The following KCNMB2 variants were observed in gnomAD, a reference collection of about 807,000 sequenced individuals.
KCNMB2 encodes potassium calcium-activated channel subfamily M regulatory beta subunit 2, also known as calcium-activated potassium channel subunit beta-2.
Under a neutral mutation model 24.5 loss-of-function variants are expected in KCNMB2, and 9 were observed. The observed-to-expected ratio is 0.37, with a 90% CI of 0.22 to 0.64. The LOEUF (loss-of-function observed/expected upper bound fraction) is 0.64. Ranked by LOEUF, KCNMB2 falls within the 30% of genes least tolerant of loss-of-function variation. The pLI is 0.63. For missense variants in KCNMB2, 226 were observed against 284.3 expected, an observed-to-expected ratio of 0.79 and a Z score of 1.47; for synonymous variants, 109 against 104.4, an observed-to-expected ratio of 1.04 and a Z score of -0.27.
intron 1 of KCNMB2, among the ~76,000 whole-genome samples, chr3:178,743,101 G>C (rs1279868272): frequency 6.6e-6 from 1 of 152,122 alleles, no homozygotes; most frequent in Non-Finnish European, 1.5e-5. Flanking sequence ...AAGACAGTGT[G>C]GCCTCCATAG....
At chr3:178,836,744 T>C (rs1715243810) in intron 4 of KCNMB2, among the ~76,000 whole-genome samples, 2 of 152,090 alleles carry the variant, frequency 1.3e-5, no homozygotes, top group South Asian at 2.1e-4. Flanking sequence ...TCATATATTC[T>C]TTCTGTTAAA....
chr3:178,697,342 C>A (rs1256564894), intron 1 of KCNMB2, among the ~76,000 whole-genome samples: 1 of 152,192 alleles, frequency 6.6e-6, no homozygotes, highest in African/African-American at 2.4e-5. Context: ...GAATTGAACC[C>A]TTTACCATTA....
At chr3:178,543,199 C>T (rs1266669892) in intron 1 of KCNMB2, among the ~76,000 whole-genome samples, 1 of 152,162 alleles carries the variant, frequency 6.6e-6, no homozygotes, top group Admixed American at 6.6e-5. Flanking sequence ...ACCAATTTTC[C>T]TGAAATGTAT....
intron 1 of KCNMB2, among the ~76,000 whole-genome samples, chr3:178,632,515 C>T (rs149045951): frequency 4.5e-4 from 68 of 152,260 alleles, no homozygotes; most frequent in African/African-American, 1.6e-3. Context: ...GGAAATGCCA[C>T]TTATAAAGCC....
At chr3:178,759,246 T>C (rs1277496177) in intron 1 of KCNMB2, among the ~76,000 whole-genome samples, 3 of 122,018 alleles carry the variant, frequency 2.5e-5, no homozygotes, top group Non-Finnish European at 5.1e-5. Flanking sequence ...TAGATATATA[T>C]ATATCTCTCC....
chr3:178,758,046 ATATATATATATATCTC>A (rs1577157292), intron 1 of KCNMB2, among the ~76,000 whole-genome samples: 1 of 51,146 alleles, frequency 2.0e-5, no homozygotes, highest in Non-Finnish European at 3.5e-5. Flanking sequence ...ATATATCTAG[ATATATATATATATCTC>A]CAAGAGGATA....
intron 1 of KCNMB2, among the ~76,000 whole-genome samples, chr3:178,561,276 G>A (rs1716306820): frequency 6.6e-6 from 1 of 152,138 alleles, no homozygotes; most frequent in South Asian, 2.1e-4. Context: ...AGTTTAACAG[G>A]ATAATGCAAG....
intron 1 of KCNMB2, among the ~76,000 whole-genome samples, chr3:178,582,344 C>G (rs1717243925): frequency 6.6e-6 from 1 of 152,074 alleles, no homozygotes; most frequent in Admixed American, 6.6e-5. Flanking sequence ...GAGAACATCA[C>G]ACACCAGGGC....
At chr3:178,618,211 C>T (rs1718783927) in intron 1 of KCNMB2, among the ~76,000 whole-genome samples, 1 of 152,056 alleles carries the variant, frequency 6.6e-6, no homozygotes, top group African/African-American at 2.4e-5. Flanking sequence ...AAAAATAATA[C>T]AACTTTTTAT....
In KCNMB2 at chr3:178,740,459, A is replaced by G. The variant is rs866231269; in HGVS notation, c.-67-66884A>G. 5.3e-5 allele frequency among the ~76,000 whole-genome samples: 8 copies of G among 152,262 alleles called. 1 individual carries two copies. In the Middle Eastern group the frequency reaches 0.027, roughly 518 times the overall value. ...TTATTATAGATATTAGCAGTTGGTT[A>G]GATTTTCTTTATCTACCCATGATGT... On this transcript the variant is annotated intron_variant, in intron 1 of 4. Transcript: ENST00000452583.
At chr3:178,586,431 C>T (rs1358206986) in intron 1 of KCNMB2, among the ~76,000 whole-genome samples, 3 of 146,916 alleles carry the variant, frequency 2.0e-5, no homozygotes, top group East Asian at 2.0e-4. Flanking sequence ...TAAAATAAAT[C>T]TTGTGCCTTT....
rs150238525 is a variant in KCNMB2, at chr3:178,674,203, T to C, written c.-67-133140T>C. On this transcript the variant is annotated intron_variant, in intron 1 of 4. Coordinates refer to ENST00000452583, the MANE Select transcript of KCNMB2 (RefSeq NM_181361.3). ...TCTTCTACCTCTTCTCTTCTCTTTC[T>C]ACACTCACTCCTTGGATGACCTTAT... Among the ~76,000 whole-genome samples, 1,138 of 152,158 alleles carry C rather than the reference T, an allele frequency of 7.5e-3. 14 individuals carry two copies. The highest frequency in any genetic ancestry group is 0.027 in the African/African-American group (1,102 of 41,492).
At chr3:178,833,309 C>G in intron 4 of KCNMB2, among the ~76,000 whole-genome samples, 1 of 152,104 alleles carries the variant, frequency 6.6e-6, no homozygotes, top group East Asian at 1.9e-4. Context: ...TGCCAGTTAG[C>G]CTCCTGGGCT....
intron 1 of KCNMB2, among the ~76,000 whole-genome samples, chr3:178,578,005 T>C (rs1051210879): frequency 1.3e-5 from 2 of 152,052 alleles, no homozygotes; most frequent in African/African-American, 4.8e-5. Context: ...AGGCCAACAT[T>C]CAAACTCAGG....
intron 1 of KCNMB2, among the ~76,000 whole-genome samples, chr3:178,580,364 T>C (rs1717154482): frequency 6.6e-6 from 1 of 152,096 alleles, no homozygotes; most frequent in Non-Finnish European, 1.5e-5. Context: ...ATTGATACAA[T>C]GTATCAAAAT....
intron 1 of KCNMB2, among the ~76,000 whole-genome samples, chr3:178,753,051 T>G (rs781403366): frequency 6.6e-6 from 1 of 152,174 alleles, no homozygotes; most frequent in Non-Finnish European, 1.5e-5. Flanking sequence ...TATACTAGGT[T>G]TGCTCAACTC....
At chr3:178,574,888 T>C (rs1716935539) in intron 1 of KCNMB2, among the ~76,000 whole-genome samples, 2 of 152,070 alleles carry the variant, frequency 1.3e-5, no homozygotes, top group Non-Finnish European at 2.9e-5. Flanking sequence ...GCCAACATGC[T>C]GAAACCCCGT....
At chr3:178,809,017 T>C (rs911274402) in intron 2 of KCNMB2, among the ~76,000 whole-genome samples, 3 of 152,262 alleles carry the variant, frequency 2.0e-5, no homozygotes, top group African/African-American at 4.8e-5. Context: ...TACTTGATCA[T>C]CTCTAGGTTT....
intron 1 of KCNMB2, among the ~76,000 whole-genome samples, chr3:178,634,790 G>A (rs1283238184): frequency 3.9e-5 from 6 of 152,246 alleles, no homozygotes; most frequent in East Asian, 1.9e-4. Flanking sequence ...GAGTAACCAC[G>A]ATTAAGTTTA....
Sources: gnomAD v4.1 joint callset for allele counts (sites outside exome capture counted in the v4.1 genomes callset) on GRCh38, gnomAD v4.1.1 for gene constraint, MANE v1.5 for transcripts, NCBI Gene and HGNC (gene_info 2026-07-23, HGNC 2026-07-21) for gene names.